The following UBR7 variants were observed in gnomAD, a reference collection of about 807,000 sequenced individuals.
UBR7 encodes ubiquitin protein ligase E3 component n-recognin 7, also known as putative E3 ubiquitin-protein ligase UBR7.
In UBR7, 22 loss-of-function variants were observed where a neutral mutation model predicts 57.0. The ratio of observed to expected loss-of-function variants is 0.39; its 90% confidence interval spans 0.28 to 0.55. UBR7 has a LOEUF of 0.55. Among genes scored for constraint, UBR7 ranks in the 20% least tolerant of loss-of-function variants. UBR7 has a pLI of 0.69. For missense variants in UBR7, 395 were observed against 513.2 expected, an observed-to-expected ratio of 0.77 and a Z score of 2.23; for synonymous variants, 167 against 179.8, an observed-to-expected ratio of 0.93 and a Z score of 0.57.
rs149784475 is a variant in UBR7 at position 93,207,314 on chromosome 14, C to T, written c.23C>T (p.Ala8Val). MAGAEGA[A>V]GRQSELEPVV... ...AGGATGGCCGGAGCCGAGGGCGCCG[C>T]TGGGCGGCAGTCGGAGCTGGAGCCC... The change falls in exon 1 of 11, where the codon GCT (alanine) becomes GTT (valine). Residue 8 changes from alanine to valine, a missense_variant. Transcript: ENST00000013070. 6.4e-6 allele frequency: 10 copies of T among 1,557,506 alleles called. No individual in the cohort carries two copies. Among genetic ancestry groups the T allele is most frequent in the South Asian group, 1.2e-5 (1 of 84,666 alleles).
At chr14:93,219,653 A>C (rs539850156) in intron 8 of UBR7, among the ~76,000 whole-genome samples, 111 of 152,318 alleles carry the variant, frequency 7.3e-4, no homozygotes, top group African/African-American at 2.7e-3. Flanking sequence ...TGTTATATCA[A>C]AGTTGCTTGG....
At chr14:93,215,020 C>CA in intron 5 of UBR7, 38 bp downstream of exon 5, 1 of 1,579,870 alleles carries the variant, frequency 6.3e-7, no homozygotes, top group Non-Finnish European at 8.7e-7. Flanking sequence ...CCATTGTTGT[C>CA]ACAAAAAGAT....
intron 8 of UBR7, 82 bp from the exon 9 acceptor site, chr14:93,220,167 C>T (rs1366971513): frequency 5.5e-6 from 8 of 1,448,038 alleles, no homozygotes; most frequent in African/African-American, 2.9e-5. Context: ...TAGTGATTCT[C>T]AGGAAATTGG....
chr14:93,215,249 C>A lies in UBR7; in HGVS notation c.569C>A (p.Ser190Tyr). 1 of 1,586,756 alleles carries A rather than the reference C, an allele frequency of 6.3e-7. No homozygotes were observed. Among genetic ancestry groups the A allele is most frequent in the East Asian group, 2.3e-5 (1 of 44,218 alleles). The change falls in exon 6 of 11, where the codon TCT becomes TAT. Residue 190 changes from serine (S) to tyrosine (Y), a missense_variant. Transcript: ENST00000013070. ...TGCCAGGCCTGCATGAAACGTTGTT[C>A]TTTTTTGTGGGCTTATGCTGCACAA... ...MVCQACMKRC[S>Y]FLWAYAAQLA...
chr14:93,219,836 G>A (rs1894668156), intron 8 of UBR7, among the ~76,000 whole-genome samples: 1 of 152,134 alleles, frequency 6.6e-6, no homozygotes, highest in South Asian at 2.1e-4. Context: ...TTAGCTGGGT[G>A]TGGTGGCACA....
chr14:93,210,842 C>T (rs1043827162), intron 3 of UBR7, 134 bp downstream of exon 3: 2 of 729,806 alleles, frequency 2.7e-6, no homozygotes, highest in East Asian at 2.7e-5. Flanking sequence ...ATGGCCATTT[C>T]ATTTTTTACT....
intron 9 of UBR7, among the ~76,000 whole-genome samples, chr14:93,221,112 AT>A (rs1160957010): frequency 0.013 from 1,765 of 136,768 alleles, 25 homozygotes; most frequent in African/African-American, 0.04. Flanking sequence ...CGCCCCCCCA[AT>A]TTTTTTTTTT....
chr14:93,216,586 T>C (rs76122387), intron 6 of UBR7, among the ~76,000 whole-genome samples: 16,515 of 151,910 alleles, frequency 0.11, 948 homozygotes, highest in African/African-American at 0.14. Context: ...TCCTACAGTT[T>C]AGATTTGCCT....
intron 10 of UBR7, among the ~76,000 whole-genome samples, chr14:93,224,319 T>G (rs1894786002): frequency 6.6e-6 from 1 of 151,982 alleles, no homozygotes; most frequent in Non-Finnish European, 1.5e-5. Flanking sequence ...GTTTTCTCAG[T>G]TTTTAGAGAC....
At chr14:93,224,008 G>T in intron 10 of UBR7, 1 of 792,212 alleles carries the variant, frequency 1.3e-6, no homozygotes, top group Non-Finnish European at 2.2e-6. Flanking sequence ...AGTACCAGAA[G>T]TCCCGGGACT....
At chr14:93,216,831 G>T (rs1375229062) in intron 6 of UBR7, among the ~76,000 whole-genome samples, 2 of 151,984 alleles carry the variant, frequency 1.3e-5, no homozygotes, top group Non-Finnish European at 2.9e-5. Flanking sequence ...GGCCAGGCTG[G>T]TCTCAAACTC....
intron 10 of UBR7, 81 bp from the exon 11 acceptor site, chr14:93,226,862 G>T: frequency 1.3e-5 from 11 of 841,728 alleles, no homozygotes; most frequent in East Asian, 2.9e-5. Context: ...AGTATCATTT[G>T]ACTTGTTTGT....
At chr14:93,223,475 T>G in intron 10 of UBR7, 1 of 518,502 alleles carries the variant, frequency 1.9e-6, no homozygotes, top group Non-Finnish European at 3.4e-6. Context: ...GCTTGAGCCC[T>G]GCTTTCTTAG....
intron 10 of UBR7, among the ~76,000 whole-genome samples, chr14:93,225,060 C>T (rs918317002): frequency 8.5e-5 from 13 of 152,162 alleles, no homozygotes; most frequent in Admixed American, 3.3e-4. Flanking sequence ...TTATCACTAG[C>T]GCCACTCTTT....
intron 10 of UBR7, chr14:93,223,990 A>C (rs1669068462): frequency 1.3e-6 from 1 of 762,800 alleles, no homozygotes; most frequent in Non-Finnish European, 2.3e-6. Context: ...TTTTTAACTG[A>C]GATACGAAGT....
At chr14:93,223,644 T>C in intron 10 of UBR7, 1 of 1,383,466 alleles carries the variant, frequency 7.2e-7, no homozygotes, top group Non-Finnish European at 1.0e-6. Flanking sequence ...TGGCTTGGGC[T>C]GACGGGCAGG....
chr14:93,228,683 G>C lies in UBR7; in HGVS notation c.*1648G>C, dbSNP rs1308856889. ...CCGTTCAAAGGCTCGGGGTGTCTTT[G>C]AGGTTGTTTATCAAGCTGGGGAACT... On this transcript the variant is annotated 3_prime_UTR_variant, in exon 11 of 11. Transcript: ENST00000013070. 1 of 454,014 alleles carries C rather than the reference G, an allele frequency of 2.2e-6. No individual in the cohort carries two copies. Among genetic ancestry groups the C allele is most frequent in the Non-Finnish European group, 4.4e-6 (1 of 226,804 alleles). 28.1% of individuals were successfully genotyped at this position (454,014 alleles called of 1,614,324 possible). A position where few individuals can be genotyped will look rare whatever the true frequency, so the allele number is the denominator to read the frequency against.
chr14:93,227,146 G>A lies in UBR7; in HGVS notation c.*111G>A. The A allele has an allele frequency of 1.3e-6, 1 of 778,580 alleles. No homozygotes were observed. Among genetic ancestry groups the A allele is most frequent in the Non-Finnish European group, 2.2e-6 (1 of 464,990 alleles). 48.2% of individuals were successfully genotyped at this position (778,580 alleles called of 1,614,324 possible). On this transcript the variant is annotated 3_prime_UTR_variant, in exon 11 of 11. Coordinates refer to ENST00000013070, the MANE Select transcript of UBR7 (RefSeq NM_175748.4). Reference sequence around the variant, plus strand: ...CCCTTTCCGTCCTCCTCTGTTTGGAGAGGCCTCGCGCTCCCTTCATTCTCT... The same window carrying A: ...CCCTTTCCGTCCTCCTCTGTTTGGAAAGGCCTCGCGCTCCCTTCATTCTCT...
At chr14:93,220,216 C>T (rs1025090714) in intron 8 of UBR7, 33 bp from the exon 9 acceptor site, 1 of 1,531,906 alleles carries the variant, frequency 6.5e-7, no homozygotes, top group Non-Finnish European at 8.9e-7. Flanking sequence ...GGGGAAACTC[C>T]TCTTTCTTTT....
Sources: gnomAD v4.1 joint callset for allele counts (sites outside exome capture counted in the v4.1 genomes callset) on GRCh38, gnomAD v4.1.1 for gene constraint, MANE v1.5 for transcripts, NCBI Gene and HGNC (gene_info 2026-07-23, HGNC 2026-07-21) for gene names.